Variants in INVS observed in about 807,000 individuals in gnomAD.
The protein encoded by INVS is inversin, also known as inversion of embryo turning homolog.
A neutral mutation model predicts 108.8 loss-of-function variants in INVS; 86 were observed. The observed-to-expected ratio is 0.79, with a 90% CI of 0.66 to 0.95. The LOEUF (loss-of-function observed/expected upper bound fraction) is 0.95. Among genes scored for constraint, INVS ranks in the 40% least tolerant of loss-of-function variants. The probability of loss-of-function intolerance (pLI) is 0.00; values close to 1 mark genes in which losing one functional copy is unlikely to be tolerated. For missense variants in INVS, 1,169 were observed against 1,297.4 expected (o/e 0.90, Z 1.52); for synonymous variants, 455 against 473.5 (o/e 0.96, Z 0.51).
intron 3 of INVS, 43 bp downstream of exon 3, chr9:100,126,592 T>C (rs923794073): frequency 3.2e-6 from 5 of 1,571,498 alleles, no homozygotes; most frequent in African/African-American, 1.4e-5. Flanking sequence ...TTTTGTGTGA[T>C]GTCTGCTAGT....
At chr9:100,213,207 G>C (rs1160304973) in intron 3 of INVS, among the ~76,000 whole-genome samples, 5 of 129,010 alleles carry the variant, frequency 3.9e-5, no homozygotes, top group Non-Finnish European at 4.9e-5. Context: ...AATTGGGGGG[G>C]TTTGGGGGTT....
intron 3 of INVS, among the ~76,000 whole-genome samples, chr9:100,133,481 A>G (rs2118920481): frequency 6.6e-6 from 1 of 152,154 alleles, no homozygotes; most frequent in African/African-American, 2.4e-5. Context: ...TGTATTTGAA[A>G]CTTCTTCATG....
chr9:100,178,760 C>T (rs531693708), intron 3 of INVS, among the ~76,000 whole-genome samples: 1 of 152,118 alleles, frequency 6.6e-6, no homozygotes, highest in Non-Finnish European at 1.5e-5. Context: ...AGCAAGAGAC[C>T]AACATTCAAA....
At chr9:100,144,825 G>A (rs1484741742) in intron 3 of INVS, among the ~76,000 whole-genome samples, 13 of 152,030 alleles carry the variant, frequency 8.6e-5, no homozygotes, top group African/African-American at 2.4e-4. Flanking sequence ...ACTCAGCGAC[G>A]CTTGGGGTTG....
intron 6 of INVS, among the ~76,000 whole-genome samples, chr9:100,240,749 C>G (rs578083441): frequency 6.6e-6 from 1 of 152,072 alleles, no homozygotes; most frequent in African/African-American, 2.4e-5. Context: ...AGGAGTTTTA[C>G]CCATTAATAG....
chr9:100,252,890 T>C lies in INVS; in HGVS notation c.1235-17T>C. ...CTATTTATATTAGACATTCTCATTA[T>C]ATTTGTGCTTTTCCAGGTGGAGCAA... On this transcript the variant is annotated splice_polypyrimidine_tract_variant and intron_variant, in intron 9 of 16. Transcript: ENST00000262457. 1 of 1,558,574 alleles carries C rather than the reference T, an allele frequency of 6.4e-7. No homozygotes were observed. Among genetic ancestry groups the C allele is most frequent in the Non-Finnish European group, 8.8e-7 (1 of 1,130,182 alleles).
Position 100,159,928 on chromosome 9 carries a change from C to T in INVS, c.273+33379C>T, listed in dbSNP as rs889611202. On this transcript the variant is annotated intron_variant, in intron 3 of 16. Transcript: ENST00000262457. ...ACTTGACCGTAATGAAAATGCTGCC[C>T]TGGACCATCTCCCCAAACTATGTGT... Among the ~76,000 whole-genome samples, 5 of 152,236 alleles carry T rather than the reference C, an allele frequency of 3.3e-5. No homozygotes were observed. In the South Asian group the frequency reaches 8.3e-4, roughly 25 times the overall value.
chr9:100,296,094 C>A (rs769128885), intron 14 of INVS, among the ~76,000 whole-genome samples: 17 of 152,106 alleles, frequency 1.1e-4, no homozygotes, highest in Non-Finnish European at 2.4e-4. Context: ...AGATTACTTC[C>A]CATTTGGTGC....
intron 8 of INVS, among the ~76,000 whole-genome samples, chr9:100,247,165 T>C (rs920813196): frequency 6.6e-6 from 1 of 152,152 alleles, no homozygotes; most frequent in Non-Finnish European, 1.5e-5. Context: ...GAATTTTATT[T>C]AAGGAATGCA....
At chr9:100,169,171 C>T (rs372899443) in intron 3 of INVS, among the ~76,000 whole-genome samples, 145 of 152,280 alleles carry the variant, frequency 9.5e-4, no homozygotes, top group African/African-American at 3.3e-3. Flanking sequence ...TTTATTCCAA[C>T]CTGAACTAAT....
At chr9:100,107,018 A>G (rs1827202127) in intron 2 of INVS, among the ~76,000 whole-genome samples, 1 of 152,248 alleles carries the variant, frequency 6.6e-6, no homozygotes, top group East Asian at 1.9e-4. Context: ...TTCTTGGGCC[A>G]GCTGTACCCA....
chr9:100,260,073 T>C (rs1588129223), intron 10 of INVS, among the ~76,000 whole-genome samples: 1 of 150,414 alleles, frequency 6.6e-6, no homozygotes, highest in Non-Finnish European at 1.5e-5. Flanking sequence ...GGTTTCACCA[T>C]GTTGGCCAGG....
chr9:100,191,759 T>A (rs1830228250), intron 3 of INVS, among the ~76,000 whole-genome samples: 1 of 152,210 alleles, frequency 6.6e-6, no homozygotes, highest in African/African-American at 2.4e-5. Context: ...AACCCTGTTT[T>A]GTCATATTGT....
At chr9:100,124,488 A>G (rs556424638) in intron 2 of INVS, among the ~76,000 whole-genome samples, 2 of 150,956 alleles carry the variant, frequency 1.3e-5, no homozygotes, top group Admixed American at 1.3e-4. Context: ...TGAGGCAGGG[A>G]GGATTGCTTT....
At chr9:100,104,655 T>G (rs1319194252) in intron 2 of INVS, 28 bp downstream of exon 2, 1 of 1,469,782 alleles carries the variant, frequency 6.8e-7, no homozygotes, top group South Asian at 1.1e-5. Context: ...GTACAGAAAC[T>G]TTAAAAGCAA....
At chr9:100,160,026 G>A (rs1348403743) in intron 3 of INVS, among the ~76,000 whole-genome samples, 1 of 152,144 alleles carries the variant, frequency 6.6e-6, no homozygotes, top group African/African-American at 2.4e-5. Flanking sequence ...AATGATTGCT[G>A]TAAAATTATG....
chr9:100,168,485 G>A (rs1588056175), intron 3 of INVS, among the ~76,000 whole-genome samples: 1 of 152,218 alleles, frequency 6.6e-6, no homozygotes, highest in Non-Finnish European at 1.5e-5. Context: ...TTCTGTCAGA[G>A]CAGCCTCGAC....
chr9:100,198,264 A>ATTTTTTTT (rs66710233), intron 3 of INVS, among the ~76,000 whole-genome samples: 4 of 65,286 alleles, frequency 6.1e-5, no homozygotes, highest in East Asian at 4.8e-4. Context: ...GAGGGCTAGA[A>ATTTTTTTT]TTTTTTTTTT....
chr9:100,106,020 A>T (rs1317337727), intron 2 of INVS, among the ~76,000 whole-genome samples: 1 of 152,016 alleles, frequency 6.6e-6, no homozygotes, highest in Non-Finnish European at 1.5e-5. Flanking sequence ...CTTACTACTC[A>T]TCATACCACA....
Sources: gnomAD v4.1 joint callset for allele counts (sites outside exome capture counted in the v4.1 genomes callset) on GRCh38, gnomAD v4.1.1 for gene constraint, MANE v1.5 for transcripts, NCBI Gene and HGNC (gene_info 2026-07-23, HGNC 2026-07-21) for gene names.